Variants in EDRF1 observed in about 807,000 individuals in gnomAD.
The protein encoded by EDRF1 is erythroid differentiation-related factor 1.
Under a neutral mutation model 148.7 loss-of-function variants are expected in EDRF1, and 69 were observed. That is an observed-to-expected ratio of 0.46 (90% CI 0.38 to 0.57). EDRF1 has a LOEUF of 0.57. EDRF1 is among the 20% of genes least tolerant of loss of function. The probability of loss-of-function intolerance (pLI) is 0.00; values close to 1 mark genes in which losing one functional copy is unlikely to be tolerated. For missense variants in EDRF1, 1,118 were observed against 1,478.7 expected (o/e 0.76, Z 4.00); for synonymous variants, 515 against 532.8 (o/e 0.97, Z 0.46).
In EDRF1 at chr10:125,730,419, T is replaced by C; in HGVS notation, c.1128+20T>C. The C allele has an allele frequency of 6.3e-7, 1 of 1,586,796 alleles. No homozygotes were observed. Among genetic ancestry groups the C allele is most frequent in the Non-Finnish European group, 8.7e-7 (1 of 1,155,222 alleles). On this transcript the variant is annotated intron_variant, in intron 9 of 24. Coordinates refer to ENST00000356792, the MANE Select transcript of EDRF1 (RefSeq NM_001202438.2). ...GTACAGGTAAGATACAGTGTGATTT[T>C]TCTGATCTCTCAAATGCAAATTGGT... is the stretch of plus-strand genomic sequence containing the variant.
At chr10:125,724,503 C>G (rs1489505163) in intron 4 of EDRF1, among the ~76,000 whole-genome samples, 1 of 152,158 alleles carries the variant, frequency 6.6e-6, no homozygotes, top group Non-Finnish European at 1.5e-5. Flanking sequence ...ACCGTATGAC[C>G]TAGGTAGGGA....
Position 125,750,528 on chromosome 10 carries a change from C to A in EDRF1, c.3277+963C>A, listed in dbSNP as rs185036693. On this transcript the variant is annotated intron_variant, in intron 22 of 24. Coordinates refer to ENST00000356792, the MANE Select transcript of EDRF1 (RefSeq NM_001202438.2). ...AACAATTATTTGAAGTGCAGCAGTT[C>A]ATTTAGTTTTTCAGTCTGCTGTAAA... 9 of 152,286 alleles carry A rather than the reference C, an allele frequency of 5.9e-5. No individual in the cohort carries two copies. The East Asian group carries it at 1.5e-3, about 26-fold the overall frequency. The allele number at this position is 152,286 out of a possible 1,614,324, so 9.4% of individuals were successfully genotyped here. A position where few individuals can be genotyped will look rare whatever the true frequency, so the allele number is the denominator to read the frequency against.
At chr10:125,724,457 C>G (rs574415898) in intron 4 of EDRF1, among the ~76,000 whole-genome samples, 18 of 152,256 alleles carry the variant, frequency 1.2e-4, no homozygotes, top group Non-Finnish European at 2.4e-4. Flanking sequence ...ACTTCAGTCA[C>G]ATGTACAGAT....
rs961861788 is a variant in EDRF1 at position 125,740,800 on chromosome 10, T to A, written c.2170+149T>A. Reference sequence around the variant, plus strand: ...CCAATCCTGTGTGTGTTACCTTCTATTTTAGTTTCTGCTCAGTGGTTTAAC... The same window carrying A: ...CCAATCCTGTGTGTGTTACCTTCTAATTTAGTTTCTGCTCAGTGGTTTAAC... On this transcript the variant is annotated intron_variant, in intron 16 of 24. Transcript: ENST00000356792. 4.5e-6 allele frequency: 5 copies of A among 1,107,170 alleles called. No individual in the cohort carries two copies. In the South Asian group the frequency reaches 5.3e-5, roughly 12 times the overall value. 68.6% of individuals were successfully genotyped at this position (1,107,170 alleles called of 1,614,324 possible). A position where few individuals can be genotyped will look rare whatever the true frequency, so the allele number is the denominator to read the frequency against.
At chr10:125,738,485 T>C in intron 15 of EDRF1, 40 bp downstream of exon 15, 1 of 1,611,892 alleles carries the variant, frequency 6.2e-7, no homozygotes, top group Non-Finnish European at 8.5e-7. Context: ...TTCAATAGAA[T>C]AATACACTGG....
In EDRF1 at chr10:125,719,723, C is replaced by G; in HGVS notation, c.-85C>G. The G allele has an allele frequency of 1.9e-6, 2 of 1,052,160 alleles. No homozygotes were observed. Among genetic ancestry groups the G allele is most frequent in the Non-Finnish European group, 2.8e-6 (2 of 725,644 alleles). 65.2% of individuals were successfully genotyped at this position (1,052,160 alleles called of 1,614,324 possible). On this transcript the variant is annotated 5_prime_UTR_variant, in exon 1 of 25. Coordinates refer to ENST00000356792, the MANE Select transcript of EDRF1 (RefSeq NM_001202438.2). ...ACCGGAAGTGCGGTCCGCGGAGCGTCTCTGGCGCTTACCCTGCTTTGGGCC... is the reference window on the plus strand; with the variant it reads ...ACCGGAAGTGCGGTCCGCGGAGCGTGTCTGGCGCTTACCCTGCTTTGGGCC...
In EDRF1 at chr10:125,725,721, C is replaced by G. The variant is rs763886048; in HGVS notation, c.675C>G (p.Thr225=). 2 of 1,613,984 alleles carry G rather than the reference C, an allele frequency of 1.2e-6. No homozygotes were observed. ...GDGAAQPVSS[T]AEQQESSSSD... ...GAGCCGCTCAGCCTGTCTCATCCACCGCAGAACAGCAGGAATCGTCCAGTT... is the reference window on the plus strand; with the variant it reads ...GAGCCGCTCAGCCTGTCTCATCCACGGCAGAACAGCAGGAATCGTCCAGTT... The change falls in exon 6 of 25, where the codon ACC becomes ACG. Residue 225 remains threonine (T), a synonymous_variant. Coordinates refer to ENST00000356792, the MANE Select transcript of EDRF1 (RefSeq NM_001202438.2).
intron 2 of EDRF1, 50 bp from the exon 3 acceptor site, chr10:125,723,018 A>C (rs1301666145): frequency 2.1e-6 from 3 of 1,400,936 alleles, no homozygotes; most frequent in Admixed American, 1.7e-5. Flanking sequence ...CTCTACTTGC[A>C]TGATTATGAG....
chr10:125,754,452 T>G (rs1849795388), intron 24 of EDRF1, among the ~76,000 whole-genome samples: 1 of 152,230 alleles, frequency 6.6e-6, no homozygotes. Context: ...GGAATGAAGA[T>G]CTGCGTTTCT....
intron 24 of EDRF1, among the ~76,000 whole-genome samples, chr10:125,755,196 G>A (rs1849843466): frequency 6.6e-6 from 1 of 152,190 alleles, no homozygotes; most frequent in African/African-American, 2.4e-5. Flanking sequence ...TTTGCTAAGA[G>A]TGTTTCTATC....
chr10:125,747,244 G>A, intron 19 of EDRF1: 1 of 317,698 alleles, frequency 3.1e-6, no homozygotes, highest in Non-Finnish European at 5.8e-6. Context: ...AAAAAACAAA[G>A]GAAACAAGTG....
At position 125,763,479 on chromosome 10, in the gene EDRF1, A is replaced by C; in HGVS notation, c.*7A>C. 6.2e-7 allele frequency: 1 copy of C among 1,604,940 alleles called. No individual in the cohort carries two copies. The highest frequency in any genetic ancestry group is 1.1e-5 in the South Asian group (1 of 91,062). ...CAGCAATGCCGTTCAGTGACTGCACAGAGCCGTGTCCCAGACACGCTGTCA... is the reference window on the plus strand; with the variant it reads ...CAGCAATGCCGTTCAGTGACTGCACCGAGCCGTGTCCCAGACACGCTGTCA... On this transcript the variant is annotated 3_prime_UTR_variant, in exon 25 of 25. Coordinates refer to ENST00000356792, the MANE Select transcript of EDRF1 (RefSeq NM_001202438.2). This position sits in a 1 kb window ranked among gnomAD's most constrained non-coding sequence, Gnocchi z 4.3.
At chr10:125,742,656 C>T (rs188608130) in intron 17 of EDRF1, 21 of 985,202 alleles carry the variant, frequency 2.1e-5, no homozygotes, top group Non-Finnish European at 2.5e-5. Context: ...TCTTCGAGGG[C>T]TTCTGTAGCA....
In EDRF1 at chr10:125,763,514, A is replaced by G. The variant is rs1850280913; in HGVS notation, c.*42A>G. ...CCCAGACACGCTGTCAGTGCCTTCA[A>G]CACGGAGCCGGTTTGTTCATTCGGT... On this transcript the variant is annotated 3_prime_UTR_variant, in exon 25 of 25. Coordinates refer to ENST00000356792, the MANE Select transcript of EDRF1 (RefSeq NM_001202438.2). This position sits in a 1 kb window ranked among gnomAD's most constrained non-coding sequence, Gnocchi z 4.3. The G allele has an allele frequency of 1.3e-6, 2 of 1,589,940 alleles. No homozygotes were observed. The highest frequency in any genetic ancestry group is 1.7e-5 in the Admixed American group (1 of 58,736).
At chr10:125,748,210 A>C in intron 21 of EDRF1, 198 bp downstream of exon 21, 1 of 655,824 alleles carries the variant, frequency 1.5e-6, no homozygotes, top group South Asian at 1.8e-5. Context: ...CTCCATGTTG[A>C]GCATGGGAAA....
At chr10:125,724,369 G>T (rs1564730618) in intron 4 of EDRF1, among the ~76,000 whole-genome samples, 1 of 152,170 alleles carries the variant, frequency 6.6e-6, no homozygotes, top group Non-Finnish European at 1.5e-5. Context: ...GTCAGCGATG[G>T]ACTGCATATA....
Position 125,719,763 on chromosome 10 carries a change from T to C in EDRF1, c.-45T>C. 1 of 1,525,668 alleles carries C rather than the reference T, an allele frequency of 6.6e-7. No homozygotes were observed. Among genetic ancestry groups the C allele is most frequent in the South Asian group, 1.2e-5 (1 of 85,482 alleles). 94.5% of individuals were successfully genotyped at this position (1,525,668 alleles called of 1,614,324 possible). A position where few individuals can be genotyped will look rare whatever the true frequency, so the allele number is the denominator to read the frequency against. On this transcript the variant is annotated 5_prime_UTR_variant, in exon 1 of 25. Transcript: ENST00000356792. ...TGCTTTGGGCCTGCGTTGCTGCTGC[T>C]GCTCCTCCGCTCCCCCGTCGTATCG... is the stretch of plus-strand genomic sequence containing the variant.
intron 18 of EDRF1, among the ~76,000 whole-genome samples, chr10:125,744,354 T>A (rs1033990425): frequency 7.2e-5 from 11 of 152,102 alleles, no homozygotes; most frequent in African/African-American, 2.2e-4. Context: ...AAGTAATTTT[T>A]AAAAATTTTT....
chr10:125,758,768 G>A (rs950304651), intron 24 of EDRF1, among the ~76,000 whole-genome samples: 2 of 152,168 alleles, frequency 1.3e-5, no homozygotes, highest in East Asian at 3.9e-4. Flanking sequence ...CTGGTCCTTC[G>A]GTGCCTTTTC....
Sources: gnomAD v4.1 joint callset for allele counts (sites outside exome capture counted in the v4.1 genomes callset) on GRCh38, gnomAD v4.1.1 for gene constraint, Gnocchi (gnomAD v3.1) non-coding constraint, MANE v1.5 for transcripts, NCBI Gene and HGNC (gene_info 2026-07-23, HGNC 2026-07-21) for gene names.